CCSER1: variants seen among roughly 807,000 people sequenced by gnomAD.
The protein encoded by CCSER1 is serine-rich coiled-coil domain-containing protein 1.
In CCSER1, 41 loss-of-function variants were observed where a neutral mutation model predicts 82.0. The observed-to-expected ratio is 0.50, with a 90% CI of 0.39 to 0.65. The LOEUF is 0.65. CCSER1 is among the 30% of genes least tolerant of loss of function. The pLI, the probability that CCSER1 is intolerant of heterozygous loss-of-function variation, is 0.00. For synonymous variants in CCSER1, 414 were observed against 383.9 expected (o/e 1.08, Z -0.92); for missense variants, 1,119 against 1,064.2 (o/e 1.05, Z -0.72).
At chr4:90,415,973 C>T (rs962723954) in intron 4 of CCSER1, among the ~76,000 whole-genome samples, 1 of 152,116 alleles carries the variant, frequency 6.6e-6, no homozygotes, top group Non-Finnish European at 1.5e-5. Context: ...CAATTTATAG[C>T]TGGAGATCTC....
At chr4:91,095,764 T>C (rs1249288712) in intron 10 of CCSER1, among the ~76,000 whole-genome samples, 1 of 152,158 alleles carries the variant, frequency 6.6e-6, no homozygotes, top group African/African-American at 2.4e-5. Context: ...GCCCCTTTTT[T>C]CAGCCCTTCA....
intron 8 of CCSER1, among the ~76,000 whole-genome samples, chr4:90,824,591 T>C (rs1760172851): frequency 6.6e-6 from 1 of 152,142 alleles, no homozygotes; most frequent in Non-Finnish European, 1.5e-5. Context: ...AATAACAGAA[T>C]AATTCCTGCA....
intron 3 of CCSER1, among the ~76,000 whole-genome samples, chr4:90,343,254 T>C (rs1320344519): frequency 6.6e-6 from 1 of 152,230 alleles, no homozygotes; most frequent in Non-Finnish European, 1.5e-5. Flanking sequence ...ATACAGCTTC[T>C]TAATTAAAAC....
At chr4:91,184,860 A>G (rs1167732359) in intron 10 of CCSER1, among the ~76,000 whole-genome samples, 1 of 152,186 alleles carries the variant, frequency 6.6e-6, no homozygotes, top group African/African-American at 2.4e-5. Context: ...TTGTTCTGGG[A>G]TTAGAACTTG....
chr4:90,209,492 A>G (rs1446271927), intron 1 of CCSER1, among the ~76,000 whole-genome samples: 1 of 152,116 alleles, frequency 6.6e-6, no homozygotes, highest in African/African-American at 2.4e-5. Context: ...AAGTCTGGCC[A>G]TGCCCCTTTT....
chr4:90,761,156 G>A (rs773602132), intron 7 of CCSER1, among the ~76,000 whole-genome samples: 58 of 151,982 alleles, frequency 3.8e-4, no homozygotes, highest in African/African-American at 1.2e-3. Context: ...TGATGCTGTC[G>A]TTACTAACTA....
chr4:90,832,846 T>C (rs1580693357), intron 8 of CCSER1, among the ~76,000 whole-genome samples: 3 of 152,180 alleles, frequency 2.0e-5, no homozygotes, highest in Non-Finnish European at 2.9e-5. Flanking sequence ...CATAGAAAAA[T>C]TACTAAGCTT....
chr4:90,178,619 A>T (rs985219525), intron 1 of CCSER1, among the ~76,000 whole-genome samples: 2 of 152,142 alleles, frequency 1.3e-5, no homozygotes, highest in Non-Finnish European at 2.9e-5. Context: ...GGAATAATTC[A>T]TTAGAATTCG....
chr4:91,439,696 A>T (rs1754969253), intron 10 of CCSER1, among the ~76,000 whole-genome samples: 1 of 152,070 alleles, frequency 6.6e-6, no homozygotes, highest in Non-Finnish European at 1.5e-5. Flanking sequence ...AAGACCCATC[A>T]GTGTGCTGTA....
chr4:90,885,378 T>C (rs996265928), intron 8 of CCSER1, among the ~76,000 whole-genome samples: 3 of 152,202 alleles, frequency 2.0e-5, no homozygotes, highest in African/African-American at 7.2e-5. Context: ...ATTGAATTTA[T>C]TGAAATGTAC....
chr4:91,425,569 A>G (rs1048638426), intron 10 of CCSER1, among the ~76,000 whole-genome samples: 2 of 152,160 alleles, frequency 1.3e-5, no homozygotes, highest in Non-Finnish European at 2.9e-5. Flanking sequence ...AGTAATTGAT[A>G]AGTTATCTTC....
chr4:90,803,174 AATT>A (rs1405764860), intron 7 of CCSER1, among the ~76,000 whole-genome samples: 3 of 151,936 alleles, frequency 2.0e-5, no homozygotes, highest in Non-Finnish European at 4.4e-5. Flanking sequence ...GAGAATTAGA[AATT>A]ATTATTTGTT....
intron 5 of CCSER1, among the ~76,000 whole-genome samples, chr4:90,481,197 T>C (rs1275478761): frequency 6.6e-6 from 1 of 152,200 alleles, no homozygotes; most frequent in Admixed American, 6.5e-5. Context: ...ATAAGAATGC[T>C]TGTGATTTTT....
intron 6 of CCSER1, among the ~76,000 whole-genome samples, chr4:90,696,172 C>T (rs1378591529): frequency 1.3e-5 from 2 of 152,000 alleles, no homozygotes; most frequent in East Asian, 3.9e-4. Flanking sequence ...ATAAAGTGTG[C>T]CACCAGTCAA....
At chr4:91,494,628 G>A (rs1049601463) in intron 10 of CCSER1, among the ~76,000 whole-genome samples, 22 of 151,686 alleles carry the variant, frequency 1.5e-4, no homozygotes, top group African/African-American at 5.1e-4. Flanking sequence ...CAATAAATCT[G>A]TTCCCACACT....
At chr4:90,430,939 T>A (rs1160845271) in intron 4 of CCSER1, among the ~76,000 whole-genome samples, 2 of 152,124 alleles carry the variant, frequency 1.3e-5, no homozygotes, top group East Asian at 3.9e-4. Context: ...GTAACATTTT[T>A]AAAATGAAGA....
chr4:90,856,791 A>AATAT (rs1435948107), intron 8 of CCSER1, among the ~76,000 whole-genome samples: 1 of 152,130 alleles, frequency 6.6e-6, no homozygotes, highest in African/African-American at 2.4e-5. Flanking sequence ...GAATAAATGA[A>AATAT]ATATATATCA....
chr4:91,396,920 C>A (rs1477945849), intron 10 of CCSER1, among the ~76,000 whole-genome samples: 2 of 151,930 alleles, frequency 1.3e-5, no homozygotes, highest in Non-Finnish European at 2.9e-5. Context: ...TTGAAAAGGA[C>A]CATTGACCCT....
intron 9 of CCSER1, among the ~76,000 whole-genome samples, chr4:90,987,708 A>C (rs1369979366): frequency 6.6e-6 from 1 of 151,814 alleles, no homozygotes; most frequent in Non-Finnish European, 1.5e-5. Flanking sequence ...AGACTTAAAA[A>C]TGTGTTGTAC....
Sources: gnomAD v4.1 joint callset for allele counts (sites outside exome capture counted in the v4.1 genomes callset) on GRCh38, gnomAD v4.1.1 for gene constraint, MANE v1.5 for transcripts, NCBI Gene and HGNC (gene_info 2026-07-23, HGNC 2026-07-21) for gene names.